DPH1: variants seen among roughly 807,000 people sequenced by gnomAD.
DPH1 encodes 2-(3-amino-3-carboxypropyl)histidine synthase subunit 1.
A neutral mutation model predicts 55.3 loss-of-function variants in DPH1; 59 were observed. The ratio of observed to expected loss-of-function variants is 1.07; its 90% CI spans 0.87 to 1.33. DPH1 has a LOEUF of 1.33. DPH1 is among the 40% of genes most tolerant of loss of function. The probability of loss-of-function intolerance (pLI) is 0.00; values close to 1 mark genes in which losing one functional copy is unlikely to be tolerated. For missense variants in DPH1, 628 were observed against 584.8 expected, an observed-to-expected ratio of 1.07 and a Z score of -0.76; for synonymous variants, 238 against 235.5, an observed-to-expected ratio of 1.01 and a Z score of -0.10.
In DPH1 at chr17:2,041,480, G is replaced by A. The variant is rs1184146546; in HGVS notation, c.1087-1G>A. 6.2e-7 allele frequency: 1 copy of A among 1,601,558 alleles called. No homozygotes were observed. The highest frequency in any genetic ancestry group is 1.1e-5 in the South Asian group (1 of 89,684). ...TATTGTCCCTCCCTCCCCTCCCCTA[G>A]GCGGCCGTGGCTCTGAGGGACATTT... On this transcript the variant is annotated splice_acceptor_variant, in intron 10 of 12. Coordinates refer to ENST00000263083, the MANE Select transcript of DPH1 (RefSeq NM_001383.6). LOFTEE classifies it high-confidence loss of function.
rs1230574285 is a variant in DPH1 at position 2,039,941 on chromosome 17, C to T, written c.749+118C>T. ...CCACTAAGCCACCAGCCCTAAGGGT[C>T]TGAGGCACTTGGGCCCTGGATCTGG... On this transcript the variant is annotated intron_variant, in intron 7 of 12. Transcript: ENST00000263083. 5.5e-6 allele frequency: 8 copies of T among 1,457,290 alleles called. No homozygotes were observed. The East Asian group carries it at 6.8e-5, about 12-fold the overall frequency. The allele number at this position is 1,457,290 out of a possible 1,614,324, so 90.3% of individuals were successfully genotyped here.
At chr17:2,041,211 T>C in intron 10 of DPH1, 30 bp downstream of exon 10, 13 of 1,582,832 alleles carry the variant, frequency 8.2e-6, no homozygotes, top group South Asian at 1.1e-5. Context: ...GAGAGTGGGC[T>C]TTGGACGTGG....
chr17:2,040,501 A>G lies in DPH1; in HGVS notation c.907-4A>G. The G allele has an allele frequency of 5.0e-6, 8 of 1,614,072 alleles. No homozygotes were observed. The highest frequency in any genetic ancestry group is 6.8e-6 in the Non-Finnish European group (8 of 1,180,016). ...ACCCCCACCCTGCCTCCCTCTCCCA[A>G]CAGCACCTGGAATCTCGACTCCGAG... is the stretch of plus-strand genomic sequence containing the variant. On this transcript the variant is annotated splice_region_variant and splice_polypyrimidine_tract_variant and intron_variant, in intron 8 of 12. Transcript: ENST00000263083.
At chr17:2,034,433 C>T (rs1226481628) in intron 3 of DPH1, among the ~76,000 whole-genome samples, 4 of 151,312 alleles carry the variant, frequency 2.6e-5, no homozygotes, top group Admixed American at 6.6e-5. Flanking sequence ...GGGAGGTCAT[C>T]TCATGCTGGG....
rs2151359265 is a variant in DPH1, at chr17:2,042,829, C to T, written c.*243C>T. On this transcript the variant is annotated 3_prime_UTR_variant, in exon 13 of 13. Coordinates refer to ENST00000263083, the MANE Select transcript of DPH1 (RefSeq NM_001383.6). ...GTGTGCCCTGGGCCAGGCAGGCGAT[C>T]CCCGCTTCCCCTTGCCACGGTTTAT... 4 of 1,614,122 alleles carry T rather than the reference C, an allele frequency of 2.5e-6. No individual in the cohort carries two copies. The South Asian group carries it at 3.3e-5, about 13-fold the overall frequency.
intron 1 of DPH1, among the ~76,000 whole-genome samples, chr17:2,032,744 A>T (rs574484002): frequency 5.6e-4 from 85 of 152,150 alleles, no homozygotes; most frequent in African/African-American, 2.0e-3. Flanking sequence ...TTTTTATTTT[A>T]TTTATTTATT....
At chr17:2,034,206 G>A (rs962647297) in intron 3 of DPH1, among the ~76,000 whole-genome samples, 13 of 152,214 alleles carry the variant, frequency 8.5e-5, no homozygotes, top group East Asian at 3.9e-4. Context: ...TCTGCCGGTC[G>A]GGGGCGGTGG....
Position 2,042,774 on chromosome 17 carries a change from C to T in DPH1, c.*188C>T. On this transcript the variant is annotated 3_prime_UTR_variant, in exon 13 of 13. Coordinates refer to ENST00000263083, the MANE Select transcript of DPH1 (RefSeq NM_001383.6). ...GGCCTTTTGACGGCCTTCTTGGTTTCAGCCAAGGGGCTGCGCTAGCAGCCC... is the reference window on the plus strand; with the variant it reads ...GGCCTTTTGACGGCCTTCTTGGTTTTAGCCAAGGGGCTGCGCTAGCAGCCC... 1.2e-6 allele frequency: 2 copies of T among 1,609,942 alleles called. No individual in the cohort carries two copies. Among genetic ancestry groups the T allele is most frequent in the Non-Finnish European group, 1.7e-6 (2 of 1,178,418 alleles).
rs184836043 is a variant in DPH1, at chr17:2,038,585, C to A, written c.681-1170C>A. On this transcript the variant is annotated intron_variant, in intron 6 of 12. Transcript: ENST00000263083. ...ATTCTTGTAGGAGCTCAAACCCTAT[C>A]GTGACCTGTACATGCGAGGGATCTA... Among the ~76,000 whole-genome samples the A allele has an allele frequency of 2.4e-4, 37 of 152,298 alleles. 1 individual carries two copies. The highest frequency in any genetic ancestry group is 2.0e-3 in the Admixed American group (30 of 15,306).
chr17:2,043,220 T>C lies in DPH1; in HGVS notation c.*634T>C. On this transcript the variant is annotated 3_prime_UTR_variant, in exon 13 of 13. Transcript: ENST00000263083. ...GTGAGTGCGCCTCACCAGAACCAGT[T>C]AAGAGACAACTATCAATTCTTGAGA... 7.8e-7 allele frequency: 1 copy of C among 1,276,922 alleles called. No individual in the cohort carries two copies. The highest frequency in any genetic ancestry group is 1.1e-6 in the Non-Finnish European group (1 of 928,332). 79.1% of individuals were successfully genotyped at this position (1,276,922 alleles called of 1,614,324 possible). A position where few individuals can be genotyped will look rare whatever the true frequency, so the allele number is the denominator to read the frequency against.
intron 6 of DPH1, 73 bp from the exon 7 acceptor site, chr17:2,039,682 T>C: frequency 6.3e-6 from 10 of 1,598,420 alleles, no homozygotes; most frequent in Non-Finnish European, 8.6e-6. Context: ...CGGCCAGCCC[T>C]GTGGACTTCT....
In DPH1 at chr17:2,036,712, T is replaced by G. The variant is rs1457238432; in HGVS notation, c.558+26T>G. ...GTGGGTGGAACGAGGATCCTCGGCC[T>G]CCTGCAGGGTGGACAGCGGCCACTC... On this transcript the variant is annotated intron_variant, in intron 5 of 12. Transcript: ENST00000263083. The surrounding 1 kb of genome is among the most constrained non-coding windows in gnomAD (Gnocchi z 4.8). 1.9e-6 allele frequency: 3 copies of G among 1,612,856 alleles called. No homozygotes were observed. In the African/African-American group the frequency reaches 4.0e-5, roughly 22 times the overall value.
Position 2,036,621 on chromosome 17 carries a change from C to T in DPH1, c.493C>T (p.Leu165Phe). The T allele has an allele frequency of 1.2e-6, 2 of 1,614,162 alleles. No homozygotes were observed. The highest frequency in any genetic ancestry group is 1.7e-6 in the Non-Finnish European group (2 of 1,180,024). Residue 165 changes from leucine to phenylalanine, a missense_variant, in exon 5 of 13, where the codon CTC becomes TTC. Leu to Phe is a conservative substitution (Grantham distance 22). Coordinates refer to ENST00000263083, the MANE Select transcript of DPH1 (RefSeq NM_001383.6). This position sits in a 1 kb window ranked among gnomAD's most constrained non-coding sequence, Gnocchi z 4.8. ...TACACACCTCCTGGACTCTCTCCGC[C>T]TCACCTTTCCCCCAGCCACTGCCCT... Reference protein sequence around the residue: ...DTTHLLDSLRLTFPPATALAL... With the variant: ...DTTHLLDSLRFTFPPATALAL...
chr17:2,038,465 T>G (rs1001904991), intron 6 of DPH1, among the ~76,000 whole-genome samples: 3 of 152,176 alleles, frequency 2.0e-5, no homozygotes, highest in Non-Finnish European at 4.4e-5. Flanking sequence ...TCCCATGTCC[T>G]GTTAGGAAAC....
chr17:2,040,138 CG>C, intron 7 of DPH1, 79 bp from the exon 8 acceptor site: 1 of 1,564,228 alleles, frequency 6.4e-7, no homozygotes. Flanking sequence ...CAGGAGCCCA[CG>C]GGGCTGAGTC....
chr17:2,030,333 C>T (rs998093399), intron 1 of DPH1, 103 bp downstream of exon 1: 15 of 1,323,356 alleles, frequency 1.1e-5, no homozygotes, highest in African/African-American at 1.5e-5. Flanking sequence ...CGCCTTTCTC[C>T]GCTAGATCCC....
In DPH1 at chr17:2,041,480, G is replaced by T; in HGVS notation, c.1087-1G>T. The T allele has an allele frequency of 6.2e-6, 10 of 1,601,560 alleles. No individual in the cohort carries two copies. Among genetic ancestry groups the T allele is most frequent in the Non-Finnish European group, 8.5e-6 (10 of 1,175,256 alleles). On this transcript the variant is annotated splice_acceptor_variant, in intron 10 of 12. Transcript: ENST00000263083. LOFTEE classifies it high-confidence loss of function. ...TATTGTCCCTCCCTCCCCTCCCCTA[G>T]GCGGCCGTGGCTCTGAGGGACATTT...
At chr17:2,034,318 C>T (rs924522897) in intron 3 of DPH1, among the ~76,000 whole-genome samples, 6 of 152,058 alleles carry the variant, frequency 3.9e-5, no homozygotes, top group South Asian at 4.2e-4. Context: ...CATCCTACCC[C>T]TGTCACTCTA....
intron 12 of DPH1, chr17:2,042,138 A>G (rs2067545250): frequency 7.8e-6 from 12 of 1,545,618 alleles, no homozygotes; most frequent in Non-Finnish European, 1.0e-5. Context: ...GGCGCTGAGG[A>G]AGGCGCTGCG....
Sources: allele counts gnomAD v4.1 joint callset (sites outside exome capture counted in the v4.1 genomes callset), GRCh38; gene constraint gnomAD v4.1.1; non-coding constraint Gnocchi (gnomAD v3.1); transcripts MANE v1.5; gene names NCBI Gene and HGNC (gene_info 2026-07-23, HGNC 2026-07-21).